The following GLI3 variants were observed in gnomAD, a reference collection of about 807,000 sequenced individuals.
The protein encoded by GLI3 is transcription activator GLI3.
A neutral mutation model predicts 100.8 loss-of-function variants in GLI3; 20 were observed. That is an observed-to-expected ratio of 0.20 (90% CI 0.14 to 0.29). The LOEUF is 0.29. GLI3 is among the 10% of genes least tolerant of loss of function. GLI3 has a pLI of 1.00. For synonymous variants in GLI3, 938 were observed against 860.5 expected (o/e 1.09, Z -1.58); for missense variants, 2,040 against 2,128.5 (o/e 0.96, Z 0.82).
chr7:42,036,844 T>C (rs775773972), intron 7 of GLI3, among the ~76,000 whole-genome samples: 1 of 152,106 alleles, frequency 6.6e-6, no homozygotes, highest in Non-Finnish European at 1.5e-5. Flanking sequence ...TGGGCTTATG[T>C]GTAAAACAAG....
intron 13 of GLI3, among the ~76,000 whole-genome samples, chr7:41,968,729 A>AAAGAAAGAAAGAAAG (rs1562661848): frequency 1.9e-5 from 2 of 107,472 alleles, no homozygotes; most frequent in African/African-American, 1.1e-4. Context: ...AGAAAGAAAG[A>AAAGAAAGAAAGAAAG]AAGAAAGAAA....
At chr7:42,109,290 C>T (rs544016489) in intron 3 of GLI3, among the ~76,000 whole-genome samples, 1 of 152,306 alleles carries the variant, frequency 6.6e-6, no homozygotes, top group African/African-American at 2.4e-5. Context: ...ACAGGGCAGC[C>T]AAGAGCTGGA....
At chr7:42,193,615 A>G (rs1348501335) in intron 2 of GLI3, among the ~76,000 whole-genome samples, 1 of 152,170 alleles carries the variant, frequency 6.6e-6, no homozygotes, top group African/African-American at 2.4e-5. Flanking sequence ...TATGACTTTG[A>G]TGAAGAACTA....
chr7:42,168,722 C>G (rs1339653227), intron 2 of GLI3, among the ~76,000 whole-genome samples: 1 of 151,990 alleles, frequency 6.6e-6, no homozygotes, highest in Non-Finnish European at 1.5e-5. Context: ...TCGAGACCAG[C>G]CTGGGCAACA....
intron 2 of GLI3, among the ~76,000 whole-genome samples, chr7:42,186,543 C>T (rs1787719533): frequency 6.6e-6 from 1 of 152,204 alleles, no homozygotes; most frequent in Non-Finnish European, 1.5e-5. Flanking sequence ...CACCCAGAGG[C>T]AACAGCAGCG....
At chr7:42,075,347 A>G (rs1784858342) in intron 4 of GLI3, among the ~76,000 whole-genome samples, 1 of 152,194 alleles carries the variant, frequency 6.6e-6, no homozygotes, top group African/African-American at 2.4e-5. Flanking sequence ...TTAGCCATCC[A>G]TGTCTCCGAG....
At position 41,965,563 on chromosome 7, in the gene GLI3, G is replaced by T. The variant is rs773211288; in HGVS notation, c.3510C>A (p.Ala1170=). The part of the protein sequence containing the change: ...IQWNEVSSGS[A]DLSSSKLKCG... ...ACTTGAGCTTGGAGGAGGACAGGTC[G>T]GCGCTTCCGGAGCTGACTTCGTTCC... The change falls in exon 15 of 15, where the codon GCC becomes GCA. Residue 1170 remains alanine (A), a synonymous_variant. Coordinates refer to ENST00000395925, the MANE Select transcript of GLI3 (RefSeq NM_000168.6). 1.1e-5 allele frequency: 18 copies of T among 1,604,906 alleles called. No homozygotes were observed. The highest frequency in any genetic ancestry group is 1.4e-5 in the Non-Finnish European group (17 of 1,172,770).
At position 41,972,647 on chromosome 7, in the gene GLI3, C is replaced by T. The variant is rs766649674; in HGVS notation, c.1813-20G>A. The stretch of plus-strand genomic sequence containing the variant: ...TGGTTTCTGCCAAATCCCACAAGAA[C>T]GAGGTAAGAGATTGTTATGAAAGAG... On this transcript the variant is annotated intron_variant, in intron 12 of 14. Transcript: ENST00000395925. This position sits in a 1 kb window ranked among gnomAD's most constrained non-coding sequence, Gnocchi z 4.4. 47 of 1,597,796 alleles carry T rather than the reference C, an allele frequency of 2.9e-5. No homozygotes were observed. The highest frequency in any genetic ancestry group is 5.3e-5 in the African/African-American group (4 of 74,800).
At chr7:42,072,846 AT>A (rs770039087) in intron 4 of GLI3, among the ~76,000 whole-genome samples, 1 of 152,156 alleles carries the variant, frequency 6.6e-6, no homozygotes, top group Admixed American at 6.5e-5. Flanking sequence ...TCACTCTGAT[AT>A]TTTTTCTAAA....
chr7:42,249,667 C>A (rs957950564), intron 1 of GLI3, among the ~76,000 whole-genome samples: 1 of 152,134 alleles, frequency 6.6e-6, no homozygotes, highest in African/African-American at 2.4e-5. Flanking sequence ...TCATAGAGGG[C>A]CCAGTATAGA....
At position 42,252,397 on chromosome 7, in the gene GLI3, G is replaced by T. The variant is rs565886031; in HGVS notation, c.-43+11597C>A. The stretch of plus-strand genomic sequence containing the variant: ...AGAAAAAATACTAGGCTTAGTACCT[G>T]GGTGATGAAATAATCTGTACACCAA... On this transcript the variant is annotated intron_variant, in intron 1 of 2. Transcript: ENST00000678978. Among the ~76,000 whole-genome samples the T allele has an allele frequency of 1.6e-3, 247 of 152,206 alleles. 3 individuals carry two copies. The highest frequency in any genetic ancestry group is 5.8e-3 in the African/African-American group (242 of 41,522).
intron 2 of GLI3, among the ~76,000 whole-genome samples, chr7:42,156,661 A>C (rs1787011526): frequency 6.6e-6 from 1 of 152,146 alleles, no homozygotes; most frequent in South Asian, 2.1e-4. Flanking sequence ...GCATCCTCCG[A>C]TGGGAATGAT....
chr7:42,076,604 CAGAT>C, intron 4 of GLI3, 144 bp downstream of exon 4: 1 of 679,242 alleles, frequency 1.5e-6, no homozygotes, highest in Non-Finnish European at 2.7e-6. Flanking sequence ...AACCCACGAA[CAGAT>C]AGGCTTGCTA....
chr7:42,095,273 A>T (rs893163991), intron 3 of GLI3, among the ~76,000 whole-genome samples: 2 of 152,190 alleles, frequency 1.3e-5, no homozygotes, highest in African/African-American at 4.8e-5. Context: ...AAGCTCCCAG[A>T]TGAGGCTGCT....
At chr7:42,261,946 T>C (rs1332191274) in intron 1 of GLI3, among the ~76,000 whole-genome samples, 1 of 149,242 alleles carries the variant, frequency 6.7e-6, no homozygotes, top group Non-Finnish European at 1.5e-5. Context: ...TCTTTTCTTT[T>C]CTTTCCTTTT....
At chr7:42,078,300 A>G (rs1353906091) in intron 3 of GLI3, among the ~76,000 whole-genome samples, 1 of 152,248 alleles carries the variant, frequency 6.6e-6, no homozygotes, top group Non-Finnish European at 1.5e-5. Context: ...GTAGAATATA[A>G]GCACAACAAA....
At chr7:42,011,830 G>A (rs1158931552) in intron 10 of GLI3, among the ~76,000 whole-genome samples, 1 of 152,218 alleles carries the variant, frequency 6.6e-6, no homozygotes, top group Non-Finnish European at 1.5e-5. Flanking sequence ...TGTCCTGGAA[G>A]TGGACAGTGT....
chr7:42,255,700 C>G lies in GLI3; in HGVS notation c.-43+8294G>C, dbSNP rs1297044367. On this transcript the variant is annotated intron_variant, in intron 1 of 2. Transcript: ENST00000678978. ...GTATAGATGCCCTACATTTTGTTTA[C>G]CTACTCATCAATTGATAGGCATTTG... Among the ~76,000 whole-genome samples, 7 of 152,144 alleles carry G rather than the reference C, an allele frequency of 4.6e-5. No homozygotes were observed. In the East Asian group the frequency reaches 1.3e-3, roughly 29 times the overall value.
intron 7 of GLI3, among the ~76,000 whole-genome samples, chr7:42,039,760 C>G (rs924554905): frequency 6.6e-6 from 1 of 152,234 alleles, no homozygotes; most frequent in Non-Finnish European, 1.5e-5. Context: ...ATTTGCCCTA[C>G]TTACTGTCTC....
Sources: gnomAD v4.1 joint callset for allele counts (sites outside exome capture counted in the v4.1 genomes callset) on GRCh38, gnomAD v4.1.1 for gene constraint, Gnocchi (gnomAD v3.1) non-coding constraint, MANE v1.5 for transcripts, NCBI Gene and HGNC (gene_info 2026-07-23, HGNC 2026-07-21) for gene names.